The following LDLRAD4 variants were observed in gnomAD, a reference collection of about 807,000 sequenced individuals.
LDLRAD4 encodes the protein low-density lipoprotein receptor class A domain-containing protein 4.
LDLRAD4 carries 5 observed loss-of-function variants against 17.0 expected under a neutral mutation model. The ratio of observed to expected loss-of-function variants is 0.29; its 90% CI spans 0.15 to 0.62. LDLRAD4 has a LOEUF of 0.62. Among genes scored for constraint, LDLRAD4 ranks in the 20% least tolerant of loss-of-function variants. LDLRAD4 has a pLI of 0.84. For synonymous variants in LDLRAD4, 168 were observed against 171.8 expected (o/e 0.98, Z 0.17); for missense variants, 340 against 424.7 (o/e 0.80, Z 1.75).
At chr18:13,576,846 G>C (rs1346612338) in intron 3 of LDLRAD4, among the ~76,000 whole-genome samples, 2 of 152,260 alleles carry the variant, frequency 1.3e-5, no homozygotes, top group Non-Finnish European at 2.9e-5. Flanking sequence ...TCTCAGGAGG[G>C]CCTGGGGTGC....
At chr18:13,477,222 T>C (rs2092962887) in intron 3 of LDLRAD4, among the ~76,000 whole-genome samples, 1 of 152,188 alleles carries the variant, frequency 6.6e-6, no homozygotes, top group South Asian at 2.1e-4. Context: ...GGTGTTAGAC[T>C]TCTGCTCCTT....
chr18:13,560,086 T>G (rs897270911), intron 3 of LDLRAD4, among the ~76,000 whole-genome samples: 8 of 152,246 alleles, frequency 5.3e-5, no homozygotes, highest in African/African-American at 1.9e-4. Flanking sequence ...GCAGAAAAAG[T>G]GGAACTCTAG....
intron 1 of LDLRAD4, among the ~76,000 whole-genome samples, chr18:13,361,216 T>C (rs77446722): frequency 0.061 from 9,299 of 152,270 alleles, 346 homozygotes; most frequent in South Asian, 0.096. Context: ...TAGCTGGGAC[T>C]ACAGGCGCCC....
At chr18:13,495,134 A>G (rs182216134) in intron 3 of LDLRAD4, among the ~76,000 whole-genome samples, 1 of 152,308 alleles carries the variant, frequency 6.6e-6, no homozygotes, top group African/African-American at 2.4e-5. Context: ...CAGAAGGGCT[A>G]TGCAGCAGGA....
At chr18:13,283,895 A>G (rs2045443315) in intron 1 of LDLRAD4, among the ~76,000 whole-genome samples, 1 of 152,226 alleles carries the variant, frequency 6.6e-6, no homozygotes, top group South Asian at 2.1e-4. Flanking sequence ...TGAGGGCAAA[A>G]GGCACTTCTT....
chr18:13,450,324 C>CCT (rs2091729655), intron 3 of LDLRAD4, among the ~76,000 whole-genome samples: 1 of 64,182 alleles, frequency 1.6e-5, no homozygotes. Flanking sequence ...TTCTCTCCCC[C>CCT]CACCCCCCCC....
chr18:13,430,838 C>G (rs2090289331), intron 2 of LDLRAD4, among the ~76,000 whole-genome samples: 1 of 152,192 alleles, frequency 6.6e-6, no homozygotes, highest in Non-Finnish European at 1.5e-5. Context: ...GCTGACGTCA[C>G]CTTCTCCGCT....
chr18:13,496,290 G>A (rs1407749827), intron 3 of LDLRAD4, among the ~76,000 whole-genome samples: 1 of 152,200 alleles, frequency 6.6e-6, no homozygotes, highest in African/African-American at 2.4e-5. Flanking sequence ...CCTTAAAAAT[G>A]TGGCGGCCTT....
chr18:13,331,849 T>C (rs1299329012), intron 1 of LDLRAD4, among the ~76,000 whole-genome samples: 2 of 152,212 alleles, frequency 1.3e-5, no homozygotes, highest in Non-Finnish European at 2.9e-5. Flanking sequence ...TATAAGTATC[T>C]TCGGAATTTT....
chr18:13,358,908 C>G (rs1237914397), intron 1 of LDLRAD4, among the ~76,000 whole-genome samples: 1 of 152,098 alleles, frequency 6.6e-6, no homozygotes, highest in Admixed American at 6.6e-5. Flanking sequence ...TCTGAAACTC[C>G]ATTATGTAAT....
At chr18:13,510,975 G>A (rs1940916) in intron 3 of LDLRAD4, among the ~76,000 whole-genome samples, 57,164 of 152,082 alleles carry the variant, frequency 0.38, 11,801 homozygotes, top group Middle Eastern at 0.57. Context: ...GGAAAAAAAT[G>A]GAATTAAATT....
intron 1 of LDLRAD4, among the ~76,000 whole-genome samples, chr18:13,340,389 A>G (rs889560721): frequency 6.6e-6 from 1 of 152,152 alleles, no homozygotes; most frequent in African/African-American, 2.4e-5. Flanking sequence ...CCTACTAGCA[A>G]TGCACGGGGT....
Position 13,367,737 on chromosome 18 carries a change from C to T in LDLRAD4, c.-382-19604C>T, listed in dbSNP as rs146971535. Among the ~76,000 whole-genome samples, 32 of 149,284 alleles carry T rather than the reference C, an allele frequency of 2.1e-4. No individual in the cohort carries two copies. In the East Asian group the frequency reaches 5.8e-3, roughly 27 times the overall value. On this transcript the variant is annotated intron_variant, in intron 1 of 5. Transcript: ENST00000359446. This position sits in a 1 kb window ranked among gnomAD's most constrained non-coding sequence, Gnocchi z 4.1. The stretch of plus-strand genomic sequence containing the variant: ...TATACCGAGAGGAGACAGCCGAGCC[C>T]GGGGGGCATGCACTGTCAAGGTGTT...
intron 1 of LDLRAD4, among the ~76,000 whole-genome samples, chr18:13,302,544 C>T (rs1046373758): frequency 2.6e-5 from 4 of 152,174 alleles, no homozygotes; most frequent in Non-Finnish European, 4.4e-5. Context: ...AGACCTTTTA[C>T]ATTTTCAGTT....
intron 3 of LDLRAD4, chr18:13,516,090 C>G (rs763052597): frequency 6.6e-6 from 1 of 152,258 alleles, no homozygotes; most frequent in Non-Finnish European, 1.5e-5. Flanking sequence ...ACTGGGATTA[C>G]AGGCCTGAGC....
rs190493955 is a variant in LDLRAD4, at chr18:13,475,666, G to T, written c.181+37282G>T. 1.6e-3 allele frequency among the ~76,000 whole-genome samples: 247 copies of T among 152,256 alleles called. 3 individuals carry two copies. The highest frequency in any genetic ancestry group is 1.8e-3 in the Non-Finnish European group (121 of 68,026). ...ATTACCCTAAAACACAAGAAATCTT[G>T]TGAACAGCCAACAAGACCTGGCCTC... is the stretch of plus-strand genomic sequence containing the variant. On this transcript the variant is annotated intron_variant, in intron 3 of 5. Coordinates refer to ENST00000359446, the Ensembl canonical transcript of LDLRAD4.
chr18:13,572,158 C>T (rs1018471562), intron 3 of LDLRAD4, among the ~76,000 whole-genome samples: 5 of 152,330 alleles, frequency 3.3e-5, no homozygotes, highest in East Asian at 1.9e-4. Context: ...TATGTCATTT[C>T]GTTTACAGTT....
At chr18:13,444,049 A>G (rs9965080) in intron 3 of LDLRAD4, among the ~76,000 whole-genome samples, 4,512 of 152,244 alleles carry the variant, frequency 0.03, 224 homozygotes, top group African/African-American at 0.1. Context: ...ATTAGTGGGG[A>G]TACATCTATA....
intron 3 of LDLRAD4, 78 bp downstream of exon 4, chr18:13,438,462 G>A: frequency 8.7e-7 from 1 of 1,148,832 alleles, no homozygotes; most frequent in Non-Finnish European, 1.3e-6. Context: ...ACTGGGACAT[G>A]GGAAGGAGGT....
Sources: allele counts gnomAD v4.1 joint callset (sites outside exome capture counted in the v4.1 genomes callset), GRCh38; gene constraint gnomAD v4.1.1; non-coding constraint Gnocchi (gnomAD v3.1); transcripts MANE v1.5; gene names NCBI Gene and HGNC (gene_info 2026-07-23, HGNC 2026-07-21).